The following ANXA5 variants were observed in gnomAD, a reference collection of about 807,000 sequenced individuals.
ANXA5 encodes the protein CBP-I.
Under a neutral mutation model 48.1 loss-of-function variants are expected in ANXA5, and 40 were observed. That is an observed-to-expected ratio of 0.83 (90% CI 0.65 to 1.08). The LOEUF (loss-of-function observed/expected upper bound fraction) is 1.08, where lower values mean the gene tolerates loss of function less well. ANXA5 is among the 50% of genes least tolerant of loss of function. The probability of loss-of-function intolerance (pLI) is 0.00; values close to 1 mark genes in which losing one functional copy is unlikely to be tolerated. For synonymous variants in ANXA5, 113 were observed against 129.1 expected (o/e 0.88, Z 0.85); for missense variants, 357 against 376.8 (o/e 0.95, Z 0.44).
intron 2 of ANXA5, among the ~76,000 whole-genome samples, chr4:121,688,523 C>T (rs1724930135): frequency 6.6e-6 from 1 of 152,168 alleles, no homozygotes; most frequent in Non-Finnish European, 1.5e-5. Flanking sequence ...ACAGTCATGA[C>T]TTACATTGTA....
chr4:121,678,677 G>T (rs552415548), intron 6 of ANXA5, among the ~76,000 whole-genome samples, 183 bp from the exon 7 acceptor site: 9 of 152,152 alleles, frequency 5.9e-5, no homozygotes, highest in Non-Finnish European at 1.2e-4. Context: ...GGACAAAAAT[G>T]AATTAAAGTC....
intron 5 of ANXA5, among the ~76,000 whole-genome samples, chr4:121,682,945 A>G (rs1337853871): frequency 6.6e-6 from 1 of 152,176 alleles, no homozygotes; most frequent in Non-Finnish European, 1.5e-5. Flanking sequence ...GTATGAGAAA[A>G]TATTTATCTT....
At chr4:121,669,383 C>T (rs556057877) in intron 12 of ANXA5, 71 of 535,708 alleles carry the variant, frequency 1.3e-4, no homozygotes, top group Non-Finnish European at 1.8e-4. Context: ...CTTCTGAGTT[C>T]ACCAAGAGCC....
intron 12 of ANXA5, 113 bp from the exon 13 acceptor site, chr4:121,668,640 A>G (rs1724561067): frequency 8.4e-6 from 7 of 835,436 alleles, no homozygotes; most frequent in Admixed American, 8.0e-5. Flanking sequence ...CCAAGTGGGT[A>G]ATCTCTGTGA....
At chr4:121,693,284 A>G (rs1352479412) in intron 2 of ANXA5, among the ~76,000 whole-genome samples, 1 of 152,110 alleles carries the variant, frequency 6.6e-6, no homozygotes, top group Non-Finnish European at 1.5e-5. Context: ...AAATGAAGCC[A>G]GGAGTATAAT....
intron 7 of ANXA5, chr4:121,678,191 A>G (rs916549475): frequency 3.3e-6 from 2 of 608,556 alleles, no homozygotes; most frequent in Non-Finnish European, 5.8e-6. Context: ...TGAAAGGAAC[A>G]AGATACTACT....
At chr4:121,681,967 C>T (rs1385715048) in intron 5 of ANXA5, among the ~76,000 whole-genome samples, 1 of 151,590 alleles carries the variant, frequency 6.6e-6, no homozygotes, top group Non-Finnish European at 1.5e-5. Context: ...TTCTTTTTGC[C>T]TAATGGAAAA....
At chr4:121,677,837 G>A in intron 8 of ANXA5, 57 bp downstream of exon 8, 2 of 1,410,806 alleles carry the variant, frequency 1.4e-6, no homozygotes, top group East Asian at 2.3e-5. Context: ...TCATTACCAT[G>A]AATTATTTCT....
At chr4:121,691,547 C>A (rs964187462) in intron 2 of ANXA5, among the ~76,000 whole-genome samples, 2 of 151,996 alleles carry the variant, frequency 1.3e-5, no homozygotes, top group Admixed American at 6.6e-5. Flanking sequence ...ACCCTCCCCC[C>A]ACCTCCAGCA....
At chr4:121,681,887 T>A in intron 5 of ANXA5, 126 bp from the exon 6 acceptor site, 1 of 607,314 alleles carries the variant, frequency 1.6e-6, no homozygotes, top group Non-Finnish European at 2.9e-6. Context: ...CATGGATTTC[T>A]TTGTATATGA....
chr4:121,678,685 G>C (rs1246689874), intron 6 of ANXA5, among the ~76,000 whole-genome samples, 191 bp from the exon 7 acceptor site: 3 of 152,122 alleles, frequency 2.0e-5, no homozygotes, highest in African/African-American at 7.2e-5. Flanking sequence ...ATGAATTAAA[G>C]TCTCCCAAAG....
intron 5 of ANXA5, 93 bp from the exon 6 acceptor site, chr4:121,681,854 T>C: frequency 2.6e-6 from 2 of 771,806 alleles, no homozygotes; most frequent in Non-Finnish European, 4.3e-6. Context: ...ATTGCATAGT[T>C]ATATAAATAT....
At position 121,696,630 on chromosome 4, in the gene ANXA5, A is replaced by G. The variant is rs1288425825; in HGVS notation, c.-35-6T>C. On this transcript the variant is annotated splice_polypyrimidine_tract_variant and splice_region_variant and intron_variant, in intron 1 of 12. Coordinates refer to ENST00000296511, the MANE Select transcript of ANXA5 (RefSeq NM_001154.4). ...CAGGGGAAGGTGAAGCAGGACTGCA[A>G]AAGAGAAGAAACCTCGGGCTTAGCG... is the stretch of plus-strand genomic sequence containing the variant. The G allele has an allele frequency of 2.9e-6, 4 of 1,382,398 alleles. No homozygotes were observed. Among genetic ancestry groups the G allele is most frequent in the Non-Finnish European group, 3.8e-6 (4 of 1,057,206 alleles). The allele number at this position is 1,382,398 out of a possible 1,614,324, so 85.6% of individuals were successfully genotyped here.
At chr4:121,676,680 C>T (rs7675369) in intron 8 of ANXA5, among the ~76,000 whole-genome samples, 1 of 97,778 alleles carries the variant, frequency 1.0e-5, no homozygotes, top group Non-Finnish European at 2.0e-5. Context: ...AGCCTGGGGG[C>T]GGGGGGGGGT....
At chr4:121,694,508 C>A (rs1198612725) in intron 2 of ANXA5, among the ~76,000 whole-genome samples, 1 of 151,520 alleles carries the variant, frequency 6.6e-6, no homozygotes, top group Non-Finnish European at 1.5e-5. Context: ...CCTCAGCCTC[C>A]CGAGTAGCTG....
At position 121,691,086 on chromosome 4, in the gene ANXA5, A is replaced by T. The variant is rs188911932; in HGVS notation, c.10-4714T>A. ...CCCAGATTAATGCCAACTCTTAAGTAGGTACTGTTCCCTCACCCATTCACC... is the reference window on the plus strand; with the variant it reads ...CCCAGATTAATGCCAACTCTTAAGTTGGTACTGTTCCCTCACCCATTCACC... On this transcript the variant is annotated intron_variant, in intron 2 of 12. Transcript: ENST00000296511. 3.5e-4 allele frequency among the ~76,000 whole-genome samples: 53 copies of T among 152,328 alleles called. 1 individual carries two copies. Among genetic ancestry groups the T allele is most frequent in the Non-Finnish European group, 2.9e-5 (2 of 68,034 alleles).
chr4:121,685,714 A>G (rs1322543473), intron 3 of ANXA5, among the ~76,000 whole-genome samples: 1 of 152,198 alleles, frequency 6.6e-6, no homozygotes, highest in African/African-American at 2.4e-5. Context: ...TGACTAGAAA[A>G]GAGGCTGGGG....
At chr4:121,688,017 T>C (rs901548673) in intron 2 of ANXA5, among the ~76,000 whole-genome samples, 1 of 152,000 alleles carries the variant, frequency 6.6e-6, no homozygotes, top group Non-Finnish European at 1.5e-5. Context: ...AAATAGGAGG[T>C]AGAGCCTTTG....
At chr4:121,677,180 C>A (rs1428401447) in intron 8 of ANXA5, among the ~76,000 whole-genome samples, 1 of 152,122 alleles carries the variant, frequency 6.6e-6, no homozygotes, top group Non-Finnish European at 1.5e-5. Flanking sequence ...ACATGACAAA[C>A]AACCAAGAAT....
Sources: gnomAD v4.1 joint callset for allele counts (sites outside exome capture counted in the v4.1 genomes callset) on GRCh38, gnomAD v4.1.1 for gene constraint, MANE v1.5 for transcripts, NCBI Gene and HGNC (gene_info 2026-07-23, HGNC 2026-07-21) for gene names.